Variants in NT5C1A observed in about 807,000 individuals in gnomAD.
NT5C1A encodes 5'-nucleotidase, cytosolic IA.
NT5C1A carries 18 observed loss-of-function variants against 31.0 expected under a neutral mutation model. That is an observed-to-expected ratio of 0.58 (90% CI 0.40 to 0.86). The LOEUF (loss-of-function observed/expected upper bound fraction) is 0.86. Ranked by LOEUF, NT5C1A falls within the 40% of genes least tolerant of loss-of-function variation. NT5C1A has a pLI of 0.00. For synonymous variants in NT5C1A, 185 were observed against 203.6 expected, an observed-to-expected ratio of 0.91 and a Z score of 0.78; for missense variants, 470 against 505.4, an observed-to-expected ratio of 0.93 and a Z score of 0.67.
rs11809004 is a variant in NT5C1A at position 39,657,725 on chromosome 1, C to T, written c.*1396G>A. Reference sequence around the variant, plus strand: ...ATGTGGAGGATCCGCTGATGCATTTCATGGGGAGGTTATCTCATCCTGGAA... The same window carrying T: ...ATGTGGAGGATCCGCTGATGCATTTTATGGGGAGGTTATCTCATCCTGGAA... On this transcript the variant is annotated 3_prime_UTR_variant, in exon 6 of 6. Coordinates refer to ENST00000235628, the MANE Select transcript of NT5C1A (RefSeq NM_032526.3). 0.036 allele frequency among the ~76,000 whole-genome samples: 5,464 copies of T among 152,314 alleles called. 315 individuals are homozygous for T. The highest frequency in any genetic ancestry group is 0.12 in the African/African-American group (5,102 of 41,552).
chr1:39,668,490 C>T (rs1357181171), intron 1 of NT5C1A, among the ~76,000 whole-genome samples: 1 of 152,136 alleles, frequency 6.6e-6, no homozygotes, highest in Non-Finnish European at 1.5e-5. Context: ...TTGCATTGGC[C>T]CCAAGAGTCC....
chr1:39,661,469 T>C (rs1216565726), intron 4 of NT5C1A, among the ~76,000 whole-genome samples: 4 of 152,250 alleles, frequency 2.6e-5, no homozygotes, highest in African/African-American at 9.6e-5. Context: ...AGGAGATCTC[T>C]AGGGCCCTTG....
intron 1 of NT5C1A, among the ~76,000 whole-genome samples, chr1:39,668,775 G>A (rs1646535751): frequency 6.6e-6 from 1 of 152,222 alleles, no homozygotes; most frequent in Non-Finnish European, 1.5e-5. Context: ...CTAACGGCAG[G>A]TCTCTGTTTC....
At position 39,654,868 on chromosome 1, in the gene NT5C1A, C is replaced by T. The variant is rs187130630; in HGVS notation, c.*4253G>A. Among the ~76,000 whole-genome samples the T allele has an allele frequency of 1.3e-3, 201 of 152,324 alleles. No individual in the cohort carries two copies. The highest frequency in any genetic ancestry group is 2.2e-3 in the Admixed American group (34 of 15,306). ...CCTCTGTTGCAACAATTCAACTCTG[C>T]TGTTGCAGTGTGAAATCAGCCATAA... On this transcript the variant is annotated 3_prime_UTR_variant, in exon 6 of 6. Transcript: ENST00000235628.
At position 39,659,277 on chromosome 1, in the gene NT5C1A, G is replaced by A. The variant is rs1300767733; in HGVS notation, c.951C>T (p.Leu317=). 1 of 1,614,102 alleles carries A rather than the reference G, an allele frequency of 6.2e-7. No homozygotes were observed. The highest frequency in any genetic ancestry group is 1.3e-5 in the African/African-American group (1 of 75,070). ...AGATGTGTGGGCGGATCTTCTCAAG[G>A]AGAGGGCCCTTGGGCGCTCCAGCAA... ...LFLAGAPKGP[L]LEKIRPHIFF... The change falls in exon 6 of 6, where the codon CTC becomes CTT. Residue 317 remains leucine (L), a synonymous_variant. Transcript: ENST00000235628.
rs1352652128 is a variant in NT5C1A, at chr1:39,671,966, G to C, written c.73C>G (p.Pro25Ala). ...PGPGAETAAAPVWEEAKIFYD... is the reference protein window; with the variant it reads ...PGPGAETAAAAVWEEAKIFYD... ...AAAATCTTGGCTTCCTCCCAGACCG[G>C]GGCCGCAGCGGTCTCCGCTCCTGGC... Residue 25 changes from proline to alanine, a missense_variant, in exon 1 of 6, where the codon CCG (proline) becomes GCG (alanine). By Grantham distance (27) the Pro-to-Ala change is conservative. Transcript: ENST00000235628. The C allele has an allele frequency of 6.2e-7, 1 of 1,612,222 alleles. No homozygotes were observed. The highest frequency in any genetic ancestry group is 8.5e-7 in the Non-Finnish European group (1 of 1,179,808).
intron 1 of NT5C1A, among the ~76,000 whole-genome samples, chr1:39,670,318 T>C (rs1249433141): frequency 6.6e-6 from 1 of 152,214 alleles, no homozygotes; most frequent in Non-Finnish European, 1.5e-5. Context: ...TTTTTTGTTT[T>C]GGTTTGTTTT....
rs369051370 is a variant in NT5C1A at position 39,660,977 on chromosome 1, T to G, written c.741+102A>C. 30 of 660,840 alleles carry G rather than the reference T, an allele frequency of 4.5e-5. 1 individual carries two copies. The highest frequency in any genetic ancestry group is 3.1e-4 in the Admixed American group (14 of 45,092). The allele number at this position is 660,840 out of a possible 1,614,324, so 40.9% of individuals were successfully genotyped here. A position where few individuals can be genotyped will look rare whatever the true frequency, so the allele number is the denominator to read the frequency against. The stretch of plus-strand genomic sequence containing the variant: ...GAGGGGACCAGGCTGGAATCTGGGC[T>G]GAGCCTGGGGTTTGTTTGCTTCCAG... On this transcript the variant is annotated intron_variant, in intron 5 of 5. Coordinates refer to ENST00000235628, the MANE Select transcript of NT5C1A (RefSeq NM_032526.3).
In NT5C1A at chr1:39,655,420, T is replaced by G. The variant is rs1356210729; in HGVS notation, c.*3701A>C. ...GTTTGGCTCTAATTTAAATTATTTGTAGGTGTTTAGGAAGCTATAATAAAA... is the reference window on the plus strand; with the variant it reads ...GTTTGGCTCTAATTTAAATTATTTGGAGGTGTTTAGGAAGCTATAATAAAA... On this transcript the variant is annotated 3_prime_UTR_variant, in exon 6 of 6. Coordinates refer to ENST00000235628, the MANE Select transcript of NT5C1A (RefSeq NM_032526.3). Among the ~76,000 whole-genome samples, 1 of 152,214 alleles carries G rather than the reference T, an allele frequency of 6.6e-6. No homozygotes were observed.
chr1:39,667,682 C>T (rs1570462193), intron 1 of NT5C1A, among the ~76,000 whole-genome samples: 1 of 152,154 alleles, frequency 6.6e-6, no homozygotes, highest in South Asian at 2.1e-4. Flanking sequence ...TGGCAGGAAA[C>T]AACACAAGTG....
In NT5C1A at chr1:39,669,256, C is replaced by T. The variant is rs1269452953; in HGVS notation, c.135+2648G>A. Among the ~76,000 whole-genome samples the T allele has an allele frequency of 4.6e-5, 7 of 152,076 alleles. 1 individual carries two copies. Among genetic ancestry groups the T allele is most frequent in the Admixed American group, 4.6e-4 (7 of 15,260 alleles). ...AATAACAGAGTGCAGCCCACCCCCA[C>T]CTGGACTTCCTGAGGAGCTCCCATT... On this transcript the variant is annotated intron_variant, in intron 1 of 5. Transcript: ENST00000235628.
Position 39,665,536 on chromosome 1 carries a change from T to C in NT5C1A, c.418A>G (p.Ser140Gly), listed in dbSNP as rs535373381. ...HAQVGVRLIN[S>G]INHYDLFIER... ...TCATGCTCACCATAGTGGTTGATAC[T>C]GTTGATGAGGCGGACACCCACTTGA... Residue 140 changes from serine (S) to glycine (G), a missense_variant, in exon 3 of 6, where the codon AGT (serine) becomes GGT (glycine). Ser to Gly is a moderately conservative substitution (Grantham distance 56, BLOSUM62 0). Transcript: ENST00000235628. 6.2e-7 allele frequency: 1 copy of C among 1,613,156 alleles called. No individual in the cohort carries two copies. Among genetic ancestry groups the C allele is most frequent in the African/African-American group, 1.3e-5 (1 of 75,052 alleles).
At chr1:39,668,683 G>A (rs941703775) in intron 1 of NT5C1A, among the ~76,000 whole-genome samples, 5 of 152,082 alleles carry the variant, frequency 3.3e-5, no homozygotes, top group Non-Finnish European at 5.9e-5. Flanking sequence ...TGCTACTTCC[G>A]CCTTCCCTGG....
chr1:39,666,207 A>T lies in NT5C1A; in HGVS notation c.165T>A (p.Ala55=). 1 of 1,613,532 alleles carries T rather than the reference A, an allele frequency of 6.2e-7. No homozygotes were observed. The highest frequency in any genetic ancestry group is 1.1e-5 in the South Asian group (1 of 91,076). The part of the protein sequence containing the change: ...SPKPQNAVTI[A]VSSRALFRMD... Reference sequence around the variant, plus strand: ...TGCGAAACAAGGCTCGGGAGGACACAGCGATGGTGACTGCATTCTGAGGCT... The same window carrying T: ...TGCGAAACAAGGCTCGGGAGGACACTGCGATGGTGACTGCATTCTGAGGCT... The change falls in exon 2 of 6, where the codon GCT becomes GCA. Residue 55 remains alanine, a synonymous_variant. Transcript: ENST00000235628.
At position 39,666,109 on chromosome 1, in the gene NT5C1A, T is replaced by A; in HGVS notation, c.263A>T (p.Asn88Ile). The A allele has an allele frequency of 6.2e-7, 1 of 1,613,668 alleles. No individual in the cohort carries two copies. The highest frequency in any genetic ancestry group is 8.5e-7 in the Non-Finnish European group (1 of 1,179,978). Residue 88 changes from asparagine to isoleucine, a missense_variant, in exon 2 of 6, where the codon AAC (asparagine) becomes ATC (isoleucine). By Grantham distance (149) the Asn-to-Ile change is moderately radical. Transcript: ENST00000235628. ...EYVRYQLEHE[N>I]EPFSPGPAFP... ...GGCTGGCCCGGGACTGAAGGGTTCG[T>A]TCTCATGTTCCAGCTGGTAGCGCAC...
chr1:39,663,103 A>G (rs1415802811), intron 4 of NT5C1A, among the ~76,000 whole-genome samples: 1 of 152,204 alleles, frequency 6.6e-6, no homozygotes, highest in Non-Finnish European at 1.5e-5. Context: ...ATGACACAGT[A>G]GGGCCAGATG....
chr1:39,657,177 G>C lies in NT5C1A; in HGVS notation c.*1944C>G, dbSNP rs1229504589. ...ACACAGCCATACCCTTCCTCCCTGG[G>C]ACCAGCCTCATGGAGACCTCTGACA... On this transcript the variant is annotated 3_prime_UTR_variant, in exon 6 of 6. Coordinates refer to ENST00000235628, the MANE Select transcript of NT5C1A (RefSeq NM_032526.3). Among the ~76,000 whole-genome samples, 3 of 152,156 alleles carry C rather than the reference G, an allele frequency of 2.0e-5. No homozygotes were observed. The highest frequency in any genetic ancestry group is 1.5e-5 in the Non-Finnish European group (1 of 68,034).
At chr1:39,665,443 C>A in intron 3 of NT5C1A, 78 bp downstream of exon 3, 1 of 1,432,116 alleles carries the variant, frequency 7.0e-7, no homozygotes, top group Non-Finnish European at 9.4e-7. Context: ...CTCCATCCTG[C>A]AGAGGTGTGG....
In NT5C1A at chr1:39,653,798, T is replaced by C. The variant is rs1285833357; in HGVS notation, c.*5323A>G. On this transcript the variant is annotated 3_prime_UTR_variant, in exon 6 of 6. Coordinates refer to ENST00000235628, the MANE Select transcript of NT5C1A (RefSeq NM_032526.3). ...GGAAGCCGCCAGCCACACGATGCTA[T>C]TCATCCACCTCCTTGTGTTCTACCC... Among the ~76,000 whole-genome samples, 1 of 152,216 alleles carries C rather than the reference T, an allele frequency of 6.6e-6. No homozygotes were observed. The highest frequency in any genetic ancestry group is 1.9e-4 in the East Asian group (1 of 5,194).
Sources: gnomAD v4.1 joint callset for allele counts (sites outside exome capture counted in the v4.1 genomes callset) on GRCh38, gnomAD v4.1.1 for gene constraint, MANE v1.5 for transcripts, NCBI Gene and HGNC (gene_info 2026-07-23, HGNC 2026-07-21) for gene names.